Variants in SUPT3H observed in about 807,000 individuals in gnomAD.
SUPT3H encodes the protein transcription initiation protein SPT3 homolog.
Under a neutral mutation model 44.3 loss-of-function variants are expected in SUPT3H, and 44 were observed. The ratio of observed to expected loss-of-function variants is 0.99; its 90% CI spans 0.78 to 1.28. SUPT3H has a LOEUF of 1.28. Among genes scored for constraint, SUPT3H ranks in the 50% most tolerant of loss-of-function variants. The pLI is 0.00. For synonymous variants in SUPT3H, 124 were observed against 125.6 expected (o/e 0.99, Z 0.09); for missense variants, 380 against 387.1 (o/e 0.98, Z 0.15).
chr6:45,321,163 A>T (rs1291954541), intron 2 of SUPT3H, among the ~76,000 whole-genome samples: 1 of 152,044 alleles, frequency 6.6e-6, no homozygotes, highest in Non-Finnish European at 1.5e-5. Flanking sequence ...AAAACTAGCC[A>T]TTTTTTTACT....
chr6:44,891,775 A>C (rs1328964963), intron 10 of SUPT3H, among the ~76,000 whole-genome samples: 1 of 152,050 alleles, frequency 6.6e-6, no homozygotes, highest in Non-Finnish European at 1.5e-5. Flanking sequence ...TATATTTTAC[A>C]ATAAAAAATA....
chr6:44,859,370 C>G (rs568244855), intron 10 of SUPT3H, among the ~76,000 whole-genome samples: 1 of 152,184 alleles, frequency 6.6e-6, no homozygotes, highest in African/African-American at 2.4e-5. Flanking sequence ...TTCAACAATT[C>G]TTCAGCCTCT....
chr6:45,083,498 C>G (rs905531752), intron 3 of SUPT3H, among the ~76,000 whole-genome samples: 1 of 151,950 alleles, frequency 6.6e-6, no homozygotes, highest in African/African-American at 2.4e-5. Flanking sequence ...CCAAGAATCA[C>G]TATCTTTAAA....
intron 2 of SUPT3H, among the ~76,000 whole-genome samples, chr6:45,286,696 G>A (rs1779340894): frequency 6.6e-6 from 1 of 152,154 alleles, no homozygotes; most frequent in Non-Finnish European, 1.5e-5. Flanking sequence ...ATTCCTCAGG[G>A]ATCTTGAACT....
At chr6:45,287,409 T>C (rs951408827) in intron 2 of SUPT3H, among the ~76,000 whole-genome samples, 3 of 152,162 alleles carry the variant, frequency 2.0e-5, no homozygotes, top group Non-Finnish European at 4.4e-5. Flanking sequence ...TATATCCATA[T>C]AAGGCATTTA....
At chr6:45,134,774 C>G (rs917294636) in intron 2 of SUPT3H, among the ~76,000 whole-genome samples, 7 of 152,114 alleles carry the variant, frequency 4.6e-5, no homozygotes, top group African/African-American at 1.4e-4. Context: ...GCTGGTAGCT[C>G]GACAGCTCTG....
In SUPT3H at chr6:45,073,090, T is replaced by C. The variant is rs555753008; in HGVS notation, c.186+32832A>G. ...AAGTCTATTTCTCATCTCTTATCTA[T>C]ACTCACAGACAAGATTTTGGTTGAT... On this transcript the variant is annotated intron_variant, in intron 3 of 10. Coordinates refer to ENST00000371459, the MANE Select transcript of SUPT3H (RefSeq NM_003599.4). Among the ~76,000 whole-genome samples, 9 of 152,252 alleles carry C rather than the reference T, an allele frequency of 5.9e-5. No homozygotes were observed. In the East Asian group the frequency reaches 1.7e-3, roughly 29 times the overall value.
At chr6:44,939,919 TTTTGTTTA>T (rs1772127288) in intron 9 of SUPT3H, among the ~76,000 whole-genome samples, 1 of 151,944 alleles carries the variant, frequency 6.6e-6, no homozygotes, top group Non-Finnish European at 1.5e-5. Flanking sequence ...TCAATTCTGG[TTTTGTTTA>T]TTTGGATCCT....
At chr6:44,932,557 C>T in intron 10 of SUPT3H, 96 bp downstream of exon 10, 1 of 826,996 alleles carries the variant, frequency 1.2e-6, no homozygotes, top group Non-Finnish European at 1.8e-6. Flanking sequence ...CCACAAATTG[C>T]TTTCAACAAT....
At chr6:45,232,963 T>C (rs1259322951) in intron 2 of SUPT3H, among the ~76,000 whole-genome samples, 1 of 152,108 alleles carries the variant, frequency 6.6e-6, no homozygotes. Context: ...CCTCTCTACA[T>C]GTGAGAGCCT....
intron 2 of SUPT3H, among the ~76,000 whole-genome samples, chr6:45,307,681 GA>G (rs999234784): frequency 2.2e-4 from 34 of 152,338 alleles, no homozygotes; most frequent in African/African-American, 7.5e-4. Flanking sequence ...AAGCAGAACA[GA>G]AAAACTGAAA....
chr6:45,177,895 G>A (rs1192596960), intron 2 of SUPT3H, among the ~76,000 whole-genome samples: 1 of 151,990 alleles, frequency 6.6e-6, no homozygotes, highest in Non-Finnish European at 1.5e-5. Flanking sequence ...CACCAGGCCT[G>A]CCCTAAAAGA....
At chr6:44,843,943 A>G (rs1771442962) in intron 10 of SUPT3H, among the ~76,000 whole-genome samples, 1 of 146,326 alleles carries the variant, frequency 6.8e-6, no homozygotes, top group Non-Finnish European at 1.5e-5. Flanking sequence ...ACACACACAC[A>G]CACACACACA....
intron 2 of SUPT3H, among the ~76,000 whole-genome samples, chr6:45,287,007 C>G (rs554619125): frequency 6.6e-6 from 1 of 152,060 alleles, no homozygotes; most frequent in Non-Finnish European, 1.5e-5. Context: ...AAACCAAACA[C>G]CACATGTTCT....
intron 3 of SUPT3H, among the ~76,000 whole-genome samples, chr6:45,087,039 C>T (rs1292266436): frequency 4.0e-5 from 6 of 151,782 alleles, no homozygotes; most frequent in Non-Finnish European, 1.5e-5. Context: ...GTTCCAAAAC[C>T]ATCAAGAGTT....
intron 3 of SUPT3H, among the ~76,000 whole-genome samples, chr6:45,062,609 A>T (rs970718498): frequency 1.3e-5 from 2 of 150,334 alleles, no homozygotes; most frequent in Non-Finnish European, 3.0e-5. Flanking sequence ...TGCGCGCACC[A>T]TGCGCAAGCC....
intron 3 of SUPT3H, among the ~76,000 whole-genome samples, chr6:45,075,178 A>T (rs1214274723): frequency 6.6e-6 from 1 of 152,122 alleles, no homozygotes; most frequent in Non-Finnish European, 1.5e-5. Context: ...AATGAAAACT[A>T]TAATTATAGT....
At chr6:45,253,872 T>TATATATATATATATATATATATATATAC (rs1491408260) in intron 2 of SUPT3H, among the ~76,000 whole-genome samples, 33 of 124,042 alleles carry the variant, frequency 2.7e-4, no homozygotes, top group East Asian at 9.6e-4. Flanking sequence ...TATATATATA[T>TATATATATATATATATATATATATATAC]ACACACACAC....
At chr6:45,046,973 A>T (rs1562332997) in intron 3 of SUPT3H, among the ~76,000 whole-genome samples, 2 of 152,146 alleles carry the variant, frequency 1.3e-5, no homozygotes, top group Admixed American at 6.5e-5. Flanking sequence ...TAGATACCTT[A>T]TGTTTTTGGT....
Sources: allele counts gnomAD v4.1 joint callset (sites outside exome capture counted in the v4.1 genomes callset), GRCh38; gene constraint gnomAD v4.1.1; transcripts MANE v1.5; gene names NCBI Gene and HGNC (gene_info 2026-07-23, HGNC 2026-07-21).